Variants in OFD1 observed in about 807,000 individuals in gnomAD.
OFD1 encodes centriole and centriolar satellite protein OFD1.
In OFD1, 12 loss-of-function variants were observed where a neutral mutation model predicts 81.4. That is an observed-to-expected ratio of 0.15 (90% CI 0.09 to 0.24). OFD1 has a LOEUF of 0.24. Among genes scored for constraint, OFD1 ranks in the 10% least tolerant of loss-of-function variants. The pLI is 1.00. For synonymous variants in OFD1, 256 were observed against 263.7 expected (o/e 0.97, Z 0.28); for missense variants, 685 against 733.9 (o/e 0.93, Z 0.77).
At chrX:13,758,504 G>T (rs890786446) in intron 15 of OFD1, 56 bp downstream of exon 15, 22 of 646,586 alleles carry the variant, frequency 3.4e-5, no homozygotes, top group African/African-American at 3.3e-4. Flanking sequence ...TCTGGTGTCT[G>T]TGAAAATGTA....
intron 19 of OFD1, among the ~76,000 whole-genome samples, chrX:13,766,671 T>A (rs1027635740): frequency 9.1e-6 from 1 of 110,288 alleles, no homozygotes. Context: ...TCTGTTCTGT[T>A]TTGTTGGGGT....
At position 13,769,042 on chromosome X, in the gene OFD1, AATTTTT is replaced by A; in HGVS notation, c.2997-21_2997-16del. 2.7e-6 allele frequency: 3 copies of A among 1,126,649 alleles called. No individual in the cohort carries two copies. The highest frequency in any genetic ancestry group is 3.7e-6 in the Non-Finnish European group (3 of 818,080). The allele number at this position is 1,126,649 out of a possible 1,213,427, so 92.8% of individuals were successfully genotyped here. A position where few individuals can be genotyped will look rare whatever the true frequency, so the allele number is the denominator to read the frequency against. On this transcript the variant is annotated intron_variant, in intron 22 of 22. Coordinates refer to ENST00000340096, the MANE Select transcript of OFD1 (RefSeq NM_003611.3). ...AACTTGACACAAATTTTTACATTTT[AATTTTT>A]ATCTTTCCCTAATTTAGTTTAACAG...
the OFD1 span, among the ~76,000 whole-genome samples, chrX:13,727,264 A>C: frequency 8.9e-6 from 1 of 112,190 alleles, no homozygotes; most frequent in Admixed American, 9.4e-5. Context: ...ATAGACATCT[A>C]CAGAACTCTC....
intron 12 of OFD1, 105 bp from the exon 13 acceptor site, chrX:13,756,473 C>A (rs2047717620): frequency 1.7e-6 from 1 of 571,442 alleles, no homozygotes; most frequent in Admixed American, 3.4e-5. Flanking sequence ...TGTCTAGTGA[C>A]CTTAATTAAA....
intron 19 of OFD1, among the ~76,000 whole-genome samples, chrX:13,765,075 A>G (rs750020413): frequency 8.9e-6 from 1 of 112,516 alleles, no homozygotes; most frequent in South Asian, 3.7e-4. Context: ...TGCTGCTGAG[A>G]TGGAACATAG....
At chrX:13,770,048 C>T (rs1284302691), downstream of OFD1, among the ~76,000 whole-genome samples, 4 of 111,673 alleles carry the variant, frequency 3.6e-5, no homozygotes, top group Non-Finnish European at 7.5e-5. Flanking sequence ...TGAATGGGCT[C>T]CTTCCCTATA....
chrX:13,754,306 G>A (rs978638704), intron 11 of OFD1, among the ~76,000 whole-genome samples: 3 of 110,385 alleles, frequency 2.7e-5, no homozygotes, highest in Non-Finnish European at 3.8e-5. Flanking sequence ...CTAGGAAATT[G>A]CTGTAACAAG....
intron 5 of OFD1, among the ~76,000 whole-genome samples, chrX:13,741,341 A>T (rs11095623): frequency 0.29 from 31,630 of 110,221 alleles, 3,468 homozygotes; most frequent in Admixed American, 0.46. Context: ...TCCTGGTAAG[A>T]TAAAATTTTT....
chrX:13,764,414 A>G (rs1463207662), intron 19 of OFD1, among the ~76,000 whole-genome samples: 1 of 112,170 alleles, frequency 8.9e-6, no homozygotes, highest in African/African-American at 3.2e-5. Context: ...AAAACTGGCC[A>G]TCAGACTTCT....
rs1602888650 is a variant in OFD1 at position 13,757,649 on chromosome X, T to A, written c.1412-11T>A. 8.4e-7 allele frequency: 1 copy of A among 1,187,155 alleles called. No individual in the cohort carries two copies. Among genetic ancestry groups the A allele is most frequent in the Non-Finnish European group, 1.1e-6 (1 of 885,063 alleles). On this transcript the variant is annotated splice_polypyrimidine_tract_variant and intron_variant, in intron 13 of 22. Transcript: ENST00000340096. The stretch of plus-strand genomic sequence containing the variant: ...ATGACTAGGATTTTTTTTTTTTTTT[T>A]ACCTTCTTAGGCCTAGCTCAGCCGG...
At chrX:13,763,705 T>C (rs747528225) in intron 18 of OFD1, 40 bp from the exon 19 acceptor site, 1 of 1,063,090 alleles carries the variant, frequency 9.4e-7, no homozygotes, top group Admixed American at 2.2e-5. Flanking sequence ...TGTCTTGGTG[T>C]TATTATTAAG....
At chrX:13,738,559 T>C (rs1465116615) in intron 3 of OFD1, 2 of 216,471 alleles carry the variant, frequency 9.2e-6, no homozygotes, top group Non-Finnish European at 1.7e-5. Flanking sequence ...CATCAGATAT[T>C]TCAGTGTCAT....
At chrX:13,768,591 A>G (rs1012070056) in intron 21 of OFD1, 127 bp from the exon 22 acceptor site, 8 of 569,529 alleles carry the variant, frequency 1.4e-5, no homozygotes, top group Admixed American at 2.6e-5. Flanking sequence ...GCTAAATTTC[A>G]TGTTTAAAAG....
chrX:13,716,756 C>T, the OFD1 span: 1 of 1,077,340 alleles, frequency 9.3e-7, no homozygotes, highest in Admixed American at 2.4e-5. Context: ...TCTGTAAATT[C>T]TATAGATGGT....
chrX:13,719,928 G>A, the OFD1 span: 8 of 1,200,325 alleles, frequency 6.7e-6, no homozygotes, highest in Non-Finnish European at 1.1e-6. Flanking sequence ...GATTATCATG[G>A]TGGCCAACAA....
chrX:13,754,244 G>T (rs1226632591), intron 11 of OFD1, among the ~76,000 whole-genome samples: 1 of 111,273 alleles, frequency 9.0e-6, no homozygotes, highest in Non-Finnish European at 1.9e-5. Context: ...GCCTCCCAAA[G>T]TGCTGGGATT....
rs1569096834 is a variant in OFD1, at chrX:13,734,825, C to A, written c.-247C>A. 3.7e-6 allele frequency: 4 copies of A among 1,078,773 alleles called. No individual in the cohort carries two copies. In the East Asian group the frequency reaches 1.3e-4, roughly 36 times the overall value. 88.9% of individuals were successfully genotyped at this position (1,078,773 alleles called of 1,213,427 possible). A position where few individuals can be genotyped will look rare whatever the true frequency, so the allele number is the denominator to read the frequency against. On this transcript the variant is annotated 5_prime_UTR_variant, in exon 1 of 23. Transcript: ENST00000340096. ...CCCCGCCCTCCAGCCGCCTTTGAGT[C>A]GTGCCTGGGTCCTCGCCCTTGCCTC...
rs928619623 is a variant in OFD1, at chrX:13,768,907, A to G, written c.2996+122A>G. Reference sequence around the variant, plus strand: ...ATTGAATCAGTCAAAATTAGTGACTATAAAAACAATTGAGTTTTTTGACTT... The same window carrying G: ...ATTGAATCAGTCAAAATTAGTGACTGTAAAAACAATTGAGTTTTTTGACTT... On this transcript the variant is annotated intron_variant, in intron 22 of 22. Coordinates refer to ENST00000340096, the MANE Select transcript of OFD1 (RefSeq NM_003611.3). 7.7e-6 allele frequency: 6 copies of G among 776,607 alleles called. No homozygotes were observed. In the African/African-American group the frequency reaches 1.0e-4, roughly 13 times the overall value. 64.0% of individuals were successfully genotyped at this position (776,607 alleles called of 1,213,427 possible).
intron 2 of OFD1, among the ~76,000 whole-genome samples, chrX:13,735,772 T>A (rs1030276894): frequency 8.9e-6 from 1 of 112,319 alleles, no homozygotes; most frequent in African/African-American, 3.2e-5. Context: ...TGAAAAATTT[T>A]ATCTTTAAAC....
Sources: allele counts gnomAD v4.1 joint callset (sites outside exome capture counted in the v4.1 genomes callset), GRCh38; gene constraint gnomAD v4.1.1; transcripts MANE v1.5; gene names NCBI Gene and HGNC (gene_info 2026-07-23, HGNC 2026-07-21).